Variants in SYBU observed in about 807,000 individuals in gnomAD.
The protein encoded by SYBU is GOLSYN A protein.
Under a neutral mutation model 35.9 loss-of-function variants are expected in SYBU, and 21 were observed. That is an observed-to-expected ratio of 0.58 (90% confidence interval 0.41 to 0.84). The LOEUF is 0.84. SYBU is among the 40% of genes least tolerant of loss of function. SYBU has a pLI of 0.00. For missense variants in SYBU, 768 were observed against 848.2 expected (o/e 0.91, Z 1.17); for synonymous variants, 319 against 324.3 (o/e 0.98, Z 0.18).
intron 3 of SYBU, among the ~76,000 whole-genome samples, chr8:109,606,790 A>G (rs891520000): frequency 3.8e-4 from 58 of 152,324 alleles, no homozygotes; most frequent in African/African-American, 1.3e-3. Context: ...TGTTCTGGGC[A>G]ATTAAAATTG....
chr8:109,615,602 T>C (rs1481314226), intron 3 of SYBU, among the ~76,000 whole-genome samples: 1 of 152,090 alleles, frequency 6.6e-6, no homozygotes, highest in Non-Finnish European at 1.5e-5. Flanking sequence ...TTTAGGCAAC[T>C]AAAAAAATAA....
At chr8:109,681,414 T>C (rs2130784102), upstream of SYBU, among the ~76,000 whole-genome samples, 1 of 152,352 alleles carries the variant, frequency 6.6e-6, no homozygotes, top group Admixed American at 6.5e-5. Context: ...TAACATGATA[T>C]ATTTTAAAGT....
chr8:109,581,337 C>G (rs1189733824), intron 4 of SYBU, among the ~76,000 whole-genome samples: 1 of 152,194 alleles, frequency 6.6e-6, no homozygotes, highest in African/African-American at 2.4e-5. Flanking sequence ...AAAACACACA[C>G]ACATGCACAC....
intron 2 of SYBU, among the ~76,000 whole-genome samples, chr8:109,634,595 T>C (rs1814003738): frequency 6.6e-6 from 1 of 152,230 alleles, no homozygotes; most frequent in South Asian, 2.1e-4. Flanking sequence ...ATATTGTTCC[T>C]GCCTTCATAG....
At chr8:109,608,046 G>T (rs1826249267) in intron 3 of SYBU, 1 of 1,176,012 alleles carries the variant, frequency 8.5e-7, no homozygotes, top group Admixed American at 2.2e-5. Flanking sequence ...TCTCAGAGTG[G>T]GGTATCCATG....
At chr8:109,647,319 G>T (rs184645733), upstream of SYBU, 135 of 152,166 alleles carry the variant, frequency 8.9e-4, no homozygotes, top group African/African-American at 3.1e-3. Context: ...TGGAGGTTTT[G>T]TATTCTCTTT....
intron 3 of SYBU, among the ~76,000 whole-genome samples, chr8:109,597,879 C>G (rs947933201): frequency 1.3e-5 from 2 of 152,170 alleles, no homozygotes; most frequent in African/African-American, 2.4e-5. Context: ...GTCTGTTGAG[C>G]GAGTCAGGCA....
At chr8:109,607,806 A>ATT in intron 3 of SYBU, 1 of 584,976 alleles carries the variant, frequency 1.7e-6, no homozygotes, top group Non-Finnish European at 2.8e-6. Flanking sequence ...ACCACAACTA[A>ATT]CTCACACACA....
Position 109,691,086 on chromosome 8 carries a change from C to T in SYBU, c.-58+247G>A, listed in dbSNP as rs530016138. Among the ~76,000 whole-genome samples the T allele has an allele frequency of 6.6e-6, 1 of 152,298 alleles. No individual in the cohort carries two copies. Among genetic ancestry groups the T allele is most frequent in the East Asian group, 1.9e-4 (1 of 5,164 alleles). On this transcript the variant is annotated intron_variant, in intron 1 of 7. Coordinates refer to the SYBU transcript ENST00000422135. The surrounding 1 kb of genome is among the most constrained non-coding windows in gnomAD (Gnocchi z 4.7). ...AGTCCAGCCCGACCGTCTCAACAAC[C>T]AATCAAACCAATCAAACAGGAGGGC...
At chr8:109,655,394 T>C (rs750649727) in intron 1 of SYBU, among the ~76,000 whole-genome samples, 1 of 152,246 alleles carries the variant, frequency 6.6e-6, no homozygotes, top group African/African-American at 2.4e-5. Flanking sequence ...ACATAGAAGC[T>C]GTGTTTGCTT....
chr8:109,591,533 A>G (rs886210298), intron 3 of SYBU, among the ~76,000 whole-genome samples: 2 of 90,394 alleles, frequency 2.2e-5, no homozygotes, highest in African/African-American at 1.5e-4. Flanking sequence ...TTTTTTTGAG[A>G]CGGAGTCTCG....
chr8:109,643,289 T>A, intron 1 of SYBU: 5 of 560,238 alleles, frequency 8.9e-6, no homozygotes, highest in Non-Finnish European at 1.1e-5. Flanking sequence ...AAAGGCTCTT[T>A]ATTAACACCA....
intron 3 of SYBU, 131 bp from the exon 4 acceptor site, chr8:109,586,293 T>C (rs914424452): frequency 7.8e-6 from 5 of 642,290 alleles, no homozygotes; most frequent in African/African-American, 1.8e-5. Context: ...TTCCAGGGCT[T>C]CCAGGCTCAC....
At chr8:109,668,530 T>C (rs1356642322) in intron 1 of SYBU, among the ~76,000 whole-genome samples, 2 of 152,186 alleles carry the variant, frequency 1.3e-5, no homozygotes, top group Non-Finnish European at 2.9e-5. Flanking sequence ...TTCTTCCACC[T>C]TTGTCTGTCT....
intron 4 of SYBU, among the ~76,000 whole-genome samples, chr8:109,582,409 A>G (rs747481273): frequency 2.9e-4 from 44 of 152,204 alleles, no homozygotes; most frequent in Non-Finnish European, 4.1e-4. Context: ...CATGTTTGTC[A>G]TGGCCATGAA....
At chr8:109,640,003 C>T (rs952997788) in intron 2 of SYBU, among the ~76,000 whole-genome samples, 9 of 152,172 alleles carry the variant, frequency 5.9e-5, no homozygotes, top group Admixed American at 4.6e-4. Flanking sequence ...AGGCATTAGA[C>T]TCAAACCTTG....
At chr8:109,657,949 T>C (rs1341895295) in intron 1 of SYBU, among the ~76,000 whole-genome samples, 1 of 152,220 alleles carries the variant, frequency 6.6e-6, no homozygotes, top group Admixed American at 6.5e-5. Context: ...AGCATTAGCA[T>C]AAATACTCTT....
intron 3 of SYBU, among the ~76,000 whole-genome samples, chr8:109,588,489 G>A (rs151334284): frequency 6.6e-6 from 1 of 152,258 alleles, no homozygotes; most frequent in African/African-American, 2.4e-5. Context: ...CTGCATTCAG[G>A]CCTATTTGAA....
chr8:109,675,625 C>G (rs1473518500), intron 1 of SYBU, among the ~76,000 whole-genome samples: 1 of 152,138 alleles, frequency 6.6e-6, no homozygotes, highest in East Asian at 1.9e-4. Flanking sequence ...ATAACAAGTT[C>G]TGAAATTGAG....
Sources: allele counts gnomAD v4.1 joint callset (sites outside exome capture counted in the v4.1 genomes callset), GRCh38; gene constraint gnomAD v4.1.1; non-coding constraint Gnocchi (gnomAD v3.1); transcripts MANE v1.5; gene names NCBI Gene and HGNC (gene_info 2026-07-23, HGNC 2026-07-21).